ELP4: variants seen among roughly 807,000 people sequenced by gnomAD.
The protein encoded by ELP4 is elongator complex protein 4.
Under a neutral mutation model 48.9 loss-of-function variants are expected in ELP4, and 51 were observed. The observed-to-expected ratio is 1.04, with a 90% CI of 0.83 to 1.32. The LOEUF (loss-of-function observed/expected upper bound fraction) is 1.32, where lower values mean the gene tolerates loss of function less well. ELP4 is among the 40% of genes most tolerant of loss of function. The pLI, the probability that ELP4 is intolerant of heterozygous loss-of-function variation, is 0.00. For missense variants in ELP4, 519 were observed against 514.6 expected (o/e 1.01, Z -0.08); for synonymous variants, 210 against 189.2 (o/e 1.11, Z -0.90).
chr11:31,672,766 G>A (rs561108786), intron 9 of ELP4, among the ~76,000 whole-genome samples: 1 of 151,996 alleles, frequency 6.6e-6, no homozygotes, highest in Non-Finnish European at 1.5e-5. Context: ...TCCAGCCTGG[G>A]TGACAGAGTG....
At chr11:31,717,918 ACCG>A (rs1301921653) in intron 9 of ELP4, among the ~76,000 whole-genome samples, 1 of 152,104 alleles carries the variant, frequency 6.6e-6, no homozygotes, top group Non-Finnish European at 1.5e-5. Context: ...TTTTTTGATA[ACCG>A]CATCCATAGT....
In ELP4 at chr11:31,788,149, G is replaced by T. The variant is rs915904279; in HGVS notation, c.*4625G>T. On this transcript the variant is annotated 3_prime_UTR_variant, in exon 10 of 10. Coordinates refer to ENST00000640961, the MANE Select transcript of ELP4 (RefSeq NM_019040.5). The stretch of plus-strand genomic sequence containing the variant: ...TTGGGCTCAAGCACTCCTGCCCTGC[G>T]TGCCTCCACTTTAAACATGATCAGA... The T allele has an allele frequency of 4.4e-6, 1 of 225,316 alleles. No individual in the cohort carries two copies. Among genetic ancestry groups the T allele is most frequent in the Non-Finnish European group, 8.8e-6 (1 of 113,030 alleles). The allele number at this position is 225,316 out of a possible 1,614,324, so 14.0% of individuals were successfully genotyped here.
At chr11:31,514,231 G>A (rs1956064873) in intron 1 of ELP4, among the ~76,000 whole-genome samples, 1 of 152,160 alleles carries the variant, frequency 6.6e-6, no homozygotes, top group Admixed American at 6.5e-5. Context: ...AGCCAAGATG[G>A]GTGGATTGCT....
intron 2 of ELP4, 81 bp downstream of exon 2, chr11:31,520,172 A>G (rs1330320594): frequency 1.7e-6 from 2 of 1,176,962 alleles, no homozygotes; most frequent in Non-Finnish European, 2.4e-6. Context: ...TCCCATTCCA[A>G]AATTATTTAA....
intron 3 of ELP4, among the ~76,000 whole-genome samples, chr11:31,546,372 T>C (rs1012349470): frequency 2.0e-5 from 3 of 151,602 alleles, no homozygotes; most frequent in African/African-American, 4.9e-5. Flanking sequence ...CCAACAAAGA[T>C]CAAAAGGAAC....
At chr11:31,510,594 A>C (rs1217615528) in intron 1 of ELP4, 7 of 391,808 alleles carry the variant, frequency 1.8e-5, no homozygotes, top group Non-Finnish European at 9.0e-6. Flanking sequence ...ATATTTAGAT[A>C]GTGTCTGCGT....
intron 9 of ELP4, among the ~76,000 whole-genome samples, chr11:31,725,038 G>A (rs1046760892): frequency 5.3e-5 from 8 of 152,142 alleles, no homozygotes; most frequent in African/African-American, 9.7e-5. Flanking sequence ...CCTCCAATTC[G>A]TTGGGCCAGG....
At chr11:31,535,968 C>A (rs558521103) in intron 2 of ELP4, among the ~76,000 whole-genome samples, 28 of 152,178 alleles carry the variant, frequency 1.8e-4, no homozygotes, top group African/African-American at 6.7e-4. Flanking sequence ...ATACAGAGGG[C>A]AAAATGTAAG....
chr11:31,611,555 C>T (rs1957979564), intron 5 of ELP4, among the ~76,000 whole-genome samples: 1 of 152,156 alleles, frequency 6.6e-6, no homozygotes, highest in African/African-American at 2.4e-5. Flanking sequence ...AGAATGTTTT[C>T]CAGGATTCTG....
intron 9 of ELP4, among the ~76,000 whole-genome samples, chr11:31,755,294 A>T (rs924099569): frequency 6.6e-6 from 1 of 152,220 alleles, no homozygotes; most frequent in Admixed American, 6.6e-5. Context: ...GCTATTAGGC[A>T]GATAACACAG....
At chr11:31,517,195 T>A (rs1956130330) in intron 1 of ELP4, among the ~76,000 whole-genome samples, 1 of 152,120 alleles carries the variant, frequency 6.6e-6, no homozygotes, top group Non-Finnish European at 1.5e-5. Flanking sequence ...GAACTTTTTT[T>A]TTTTTTGAGA....
At chr11:31,683,723 A>G (rs1400673769) in intron 9 of ELP4, among the ~76,000 whole-genome samples, 3 of 152,194 alleles carry the variant, frequency 2.0e-5, no homozygotes, top group Admixed American at 2.0e-4. Context: ...CATTGTTTCT[A>G]TTTTAAAGAA....
At chr11:31,546,902 A>T (rs1217572489) in intron 3 of ELP4, among the ~76,000 whole-genome samples, 2 of 152,254 alleles carry the variant, frequency 1.3e-5, no homozygotes, top group African/African-American at 4.8e-5. Context: ...ACATAACAAA[A>T]TGAAGGCAGA....
chr11:31,730,545 A>G (rs1947164649), intron 9 of ELP4, among the ~76,000 whole-genome samples: 1 of 152,200 alleles, frequency 6.6e-6, no homozygotes, highest in Admixed American at 6.5e-5. Flanking sequence ...AGACTGGACC[A>G]TAAACATCCA....
chr11:31,537,309 C>T (rs1336812731), intron 2 of ELP4, among the ~76,000 whole-genome samples: 1 of 152,140 alleles, frequency 6.6e-6, no homozygotes, highest in Non-Finnish European at 1.5e-5. Flanking sequence ...TTGTCAAAAA[C>T]CGATTGTATG....
chr11:31,719,585 T>C, intron 9 of ELP4: 1 of 397,882 alleles, frequency 2.5e-6, no homozygotes, highest in Non-Finnish European at 4.4e-6. Context: ...ATCTGATACA[T>C]ACAATAATGA....
chr11:31,553,519 C>T (rs1956883498), intron 3 of ELP4, among the ~76,000 whole-genome samples: 1 of 152,034 alleles, frequency 6.6e-6, no homozygotes, highest in Admixed American at 6.6e-5. Context: ...GAAACATCAG[C>T]TCTTCCTGGG....
chr11:31,562,442 G>C (rs1169762960), intron 3 of ELP4, among the ~76,000 whole-genome samples: 1 of 152,102 alleles, frequency 6.6e-6, no homozygotes, highest in African/African-American at 2.4e-5. Flanking sequence ...ATGTTAAAGA[G>C]AAATGTGATA....
intron 5 of ELP4, among the ~76,000 whole-genome samples, chr11:31,617,005 A>G (rs1161677448): frequency 1.3e-5 from 2 of 152,052 alleles, no homozygotes; most frequent in Non-Finnish European, 2.9e-5. Flanking sequence ...TGTAACTGCT[A>G]TGGAAAACAG....
Sources: allele counts gnomAD v4.1 joint callset (sites outside exome capture counted in the v4.1 genomes callset), GRCh38; gene constraint gnomAD v4.1.1; transcripts MANE v1.5; gene names NCBI Gene and HGNC (gene_info 2026-07-23, HGNC 2026-07-21).